The following NOTCH2 variants were observed in gnomAD, a reference collection of about 807,000 sequenced individuals.
NOTCH2 encodes the protein neurogenic locus notch homolog protein 2.
NOTCH2 carries 29 observed loss-of-function variants against 235.8 expected under a neutral mutation model. The ratio of observed to expected loss-of-function variants is 0.12; its 90% CI spans 0.09 to 0.17. NOTCH2 has a LOEUF of 0.17. NOTCH2 is among the 10% of genes least tolerant of loss of function. NOTCH2 has a pLI of 1.00. For missense variants in NOTCH2, 2,285 were observed against 3,150.2 expected, an observed-to-expected ratio of 0.73 and a Z score of 6.57; for synonymous variants, 1,086 against 1,141.5, an observed-to-expected ratio of 0.95 and a Z score of 0.98.
rs587722976 is a variant in NOTCH2 at position 119,984,020 on chromosome 1, G to A, written c.874+2940C>T. On this transcript the variant is annotated intron_variant, in intron 5 of 33. Transcript: ENST00000256646. ...TCAAAAGCCAGACCAAATAGTTAAT[G>A]CTTCAAGTCTACAGGTGGAAATTGT... Among the ~76,000 whole-genome samples the A allele has an allele frequency of 2.0e-5, 3 of 152,228 alleles. No individual in the cohort carries two copies. The East Asian group carries it at 5.8e-4, about 29-fold the overall frequency.
In NOTCH2 at chr1:120,069,154, G is replaced by T. The variant is rs782138014; in HGVS notation, c.73+180C>A. On this transcript the variant is annotated intron_variant, in intron 1 of 33. Transcript: ENST00000256646. ...GCGGCGGGGAACCCCGGCGGTTGGC[G>T]GGGCACCACGGGAGGGGCCCCCGGC... is the stretch of plus-strand genomic sequence containing the variant. 8.5e-5 allele frequency: 130 copies of T among 1,527,172 alleles called. 1 individual carries two copies. The Middle Eastern group carries it at 2.4e-3, about 28-fold the overall frequency. 94.6% of individuals were successfully genotyped at this position (1,527,172 alleles called of 1,614,324 possible).
chr1:119,967,663 A>G (rs1651194520), intron 7 of NOTCH2, 42 bp from the exon 8 acceptor site: 6 of 1,572,044 alleles, frequency 3.8e-6, no homozygotes, highest in African/African-American at 1.4e-5. Context: ...AAAGCAGTTG[A>G]GTTTCCACAA....
intron 22 of NOTCH2, among the ~76,000 whole-genome samples, chr1:119,931,949 T>A (rs1227577301): frequency 6.8e-6 from 1 of 147,914 alleles, no homozygotes; most frequent in Non-Finnish European, 1.5e-5. Context: ...AAACATTACA[T>A]CAACAACTTA....
intron 17 of NOTCH2, among the ~76,000 whole-genome samples, chr1:119,947,726 C>T (rs1173912217): frequency 6.6e-6 from 1 of 152,310 alleles, no homozygotes; most frequent in South Asian, 2.1e-4. Context: ...TTTGTAATAT[C>T]CCCAAATTGG....
rs2101210832 is a variant in NOTCH2 at position 119,997,072 on chromosome 1, C to A, written c.676G>T (p.Ala226Ser). Residue 226 changes from alanine to serine, a missense_variant, in exon 4 of 34, where the codon GCA becomes TCA. Physicochemically the swap from Ala to Ser is moderately conservative, Grantham distance 99. Coordinates refer to ENST00000256646, the MANE Select transcript of NOTCH2 (RefSeq NM_024408.4). ...QYCDSLYVPC[A>S]PSPCVNGGTC... is the part of the protein sequence containing the mutation. ...CCTCCATTGACACAAGGTGAGGGTG[C>A]ACAGGGCACATACAGGCTGTCACAG... The A allele has an allele frequency of 1.9e-6, 3 of 1,614,028 alleles. No homozygotes were observed. The South Asian group carries it at 3.3e-5, about 18-fold the overall frequency.
At chr1:120,045,892 T>A (rs1654766967) in intron 1 of NOTCH2, among the ~76,000 whole-genome samples, 1 of 152,182 alleles carries the variant, frequency 6.6e-6, no homozygotes, top group Non-Finnish European at 1.5e-5. Context: ...GCAGGGGAGG[T>A]GTAAGACCAT....
At chr1:119,975,582 G>A (rs1347749023) in intron 5 of NOTCH2, among the ~76,000 whole-genome samples, 2 of 151,620 alleles carry the variant, frequency 1.3e-5, no homozygotes, top group African/African-American at 2.4e-5. Flanking sequence ...GGAGGCGGAG[G>A]TGGCAGTGAT....
Position 119,937,389 on chromosome 1 carries a change from G to T in NOTCH2, c.3415C>A (p.Leu1139Met), listed in dbSNP as rs782345291. The change falls in exon 21 of 34, where the codon CTG (leucine) becomes ATG (methionine). Residue 1139 changes from leucine (L) to methionine (M), a missense_variant. By Grantham distance (15) the Leu-to-Met change is conservative. Around this residue, in one of 6 missense-constraint regions of NOTCH2, gnomAD observed 1,173 missense variants for 1,515.3 expected, o/e 0.77. Transcript: ENST00000256646. Reference protein sequence around the residue: ...AGNTHYCQCPLGYTGSYCEEQ... With the variant: ...AGNTHYCQCPMGYTGSYCEEQ... ...TCACAGTAGCTCCCAGTATAGCCCA[G>T]GGGGCACTGACAGTAATGCGTGTTG... 3.1e-6 allele frequency: 5 copies of T among 1,614,122 alleles called. No individual in the cohort carries two copies. Among genetic ancestry groups the T allele is most frequent in the Non-Finnish European group, 4.2e-6 (5 of 1,180,026 alleles).
At chr1:119,942,483 C>T (rs1557814588) in intron 17 of NOTCH2, among the ~76,000 whole-genome samples, 1 of 152,294 alleles carries the variant, frequency 6.6e-6, no homozygotes, top group Non-Finnish European at 1.5e-5. Context: ...GTAATGTGAC[C>T]TTTATTTTAT....
At chr1:120,001,025 A>AT (rs1652729236) in intron 3 of NOTCH2, among the ~76,000 whole-genome samples, 1 of 152,062 alleles carries the variant, frequency 6.6e-6, no homozygotes, top group African/African-American at 2.4e-5. Flanking sequence ...ATGATAGTGA[A>AT]TAAGTCTCAT....
In NOTCH2 at chr1:119,977,458, A is replaced by T. The variant is rs587623538; in HGVS notation, c.875-7714T>A. On this transcript the variant is annotated intron_variant, in intron 5 of 33. Transcript: ENST00000256646. Reference sequence around the variant, plus strand: ...TTAAGGTGTACAACTTCCTTCTTTGACTGAAACCTGAGTTTTCCCTAAACA... The same window carrying T: ...TTAAGGTGTACAACTTCCTTCTTTGTCTGAAACCTGAGTTTTCCCTAAACA... 7.9e-5 allele frequency among the ~76,000 whole-genome samples: 12 copies of T among 152,216 alleles called. No individual in the cohort carries two copies. The South Asian group carries it at 2.1e-3, about 26-fold the overall frequency.
In NOTCH2 at chr1:119,953,663, A is replaced by T. The variant is rs200418677; in HGVS notation, c.2245T>A (p.Trp749Arg). ...TCCACTTCACAGTTGATGCCAACCC[A>T]GCCTGCATCACAGAGACACTTATAT... ...SGYKCLCDAG[W>R]VGINCEVDKN... Residue 749 changes from tryptophan to arginine, a missense_variant, in exon 14 of 34, where the codon TGG (tryptophan) becomes AGG (arginine). By Grantham distance (101) the Trp-to-Arg change is moderately radical. Coordinates refer to ENST00000256646, the MANE Select transcript of NOTCH2 (RefSeq NM_024408.4). 5 of 1,614,174 alleles carry T rather than the reference A, an allele frequency of 3.1e-6. No homozygotes were observed. The African/African-American group carries it at 6.7e-5, about 22-fold the overall frequency.
At chr1:119,929,661 C>T (rs1553194886) in intron 22 of NOTCH2, among the ~76,000 whole-genome samples, 2 of 152,256 alleles carry the variant, frequency 1.3e-5, no homozygotes, top group African/African-American at 2.4e-5. Context: ...ACAGTGGTCC[C>T]ATAATGAAGC....
At chr1:119,945,143 G>A (rs1192840245) in intron 17 of NOTCH2, among the ~76,000 whole-genome samples, 3 of 152,020 alleles carry the variant, frequency 2.0e-5, no homozygotes, top group African/African-American at 2.4e-5. Flanking sequence ...TACGATTGAA[G>A]GTACATTATA....
Position 119,915,566 on chromosome 1 carries a change from G to T in NOTCH2, c.7156C>A (p.Pro2386Thr). The T allele has an allele frequency of 6.2e-7, 1 of 1,614,046 alleles. No individual in the cohort carries two copies. The highest frequency in any genetic ancestry group is 1.6e-4 in the Middle Eastern group (1 of 6,062). The change falls in exon 34 of 34, where the codon CCC becomes ACC. Residue 2386 changes from proline (P) to threonine (T), a missense_variant. By Grantham distance (38) the Pro-to-Thr change is conservative. Around this residue, in one of 6 missense-constraint regions of NOTCH2, gnomAD observed 504 missense variants for 538.0 expected, o/e 0.94. Coordinates refer to ENST00000256646, the MANE Select transcript of NOTCH2 (RefSeq NM_024408.4). ...FPASVGKYPT[P>T]PSQHSYASSN... ...GAAGCATAACTGTGCTGTGAAGGGG[G>T]TGTGGGGTACTTGCCCACAGAGGCT...
rs933118319 is a variant in NOTCH2, at chr1:119,927,903, A to G, written c.3892+1073T>C. The stretch of plus-strand genomic sequence containing the variant: ...AAATTCCAAGATTGTAAGGTAGCAT[A>G]TCTTTAAAGTTGGAAGGAAAGATGG... On this transcript the variant is annotated intron_variant, in intron 23 of 33. Transcript: ENST00000256646. Among the ~76,000 whole-genome samples the G allele has an allele frequency of 2.6e-5, 4 of 152,296 alleles. No individual in the cohort carries two copies. In the East Asian group the frequency reaches 5.8e-4, roughly 22 times the overall value.
At chr1:119,996,784 T>C (rs1652471430) in intron 4 of NOTCH2, 1 of 836,904 alleles carries the variant, frequency 1.2e-6, no homozygotes, top group Non-Finnish European at 2.1e-6. Flanking sequence ...TAGCCACTCA[T>C]CATCATAAAC....
intron 2 of NOTCH2, among the ~76,000 whole-genome samples, chr1:120,017,470 C>A (rs1482582823): frequency 6.6e-6 from 1 of 152,114 alleles, no homozygotes; most frequent in Non-Finnish European, 1.5e-5. Context: ...ACTCCCAGTG[C>A]CTAACACAAT....
intron 3 of NOTCH2, among the ~76,000 whole-genome samples, chr1:120,002,753 T>C (rs1553205654): frequency 6.9e-6 from 1 of 145,310 alleles, no homozygotes; most frequent in Non-Finnish European, 1.5e-5. Context: ...TTCTCCTTTA[T>C]CATGTGACAT....
Sources: gnomAD v4.1 joint callset for allele counts (sites outside exome capture counted in the v4.1 genomes callset) on GRCh38, gnomAD v4.1.1 for gene constraint, gnomAD v4.1.1 regional missense constraint, MANE v1.5 for transcripts, NCBI Gene and HGNC (gene_info 2026-07-23, HGNC 2026-07-21) for gene names.